MIR2052HG: variants seen among roughly 807,000 people sequenced by gnomAD.
The protein encoded by MIR2052HG is MIR2052 host gene.
rs1349864951 is a variant in MIR2052HG, at chr8:74,608,214, CATAAT to C, written n.129-4638_129-4634del. Among the ~76,000 whole-genome samples, 678 of 152,036 alleles carry C rather than the reference CATAAT, an allele frequency of 4.5e-3. 3 individuals are homozygous for C. The highest frequency in any genetic ancestry group is 0.016 in the African/African-American group (656 of 41,462). On this transcript the variant is annotated intron_variant and non_coding_transcript_variant, in intron 1 of 6. Coordinates refer to ENST00000523442, the Ensembl canonical transcript of MIR2052HG. ...AGTTCTGCTCTAGAGCTTCTAAGCACATAATTAGATGAACTTGCCCTATAGGGAGT... is the reference window on the plus strand; with the variant it reads ...AGTTCTGCTCTAGAGCTTCTAAGCACTAGATGAACTTGCCCTATAGGGAGT...
chr8:74,646,444 C>G (rs1391302529), intron 2 of MIR2052HG, among the ~76,000 whole-genome samples: 1 of 152,112 alleles, frequency 6.6e-6, no homozygotes, highest in Non-Finnish European at 1.5e-5. Flanking sequence ...GAATGATGCT[C>G]AGCTTTATGG....
rs145348639 is a variant in MIR2052HG at position 74,605,844 on chromosome 8, A to G, written n.128+5936A>G. On this transcript the variant is annotated intron_variant and non_coding_transcript_variant, in intron 1 of 6. Coordinates refer to ENST00000523442, the Ensembl canonical transcript of MIR2052HG. ...TTTATTTCTCTTTAAAAGACAATCAACTGTTTAAATAAATTATAGTATCAA... is the reference window on the plus strand; with the variant it reads ...TTTATTTCTCTTTAAAAGACAATCAGCTGTTTAAATAAATTATAGTATCAA... Among the ~76,000 whole-genome samples, 7 of 152,332 alleles carry G rather than the reference A, an allele frequency of 4.6e-5. No homozygotes were observed. The East Asian group carries it at 1.4e-3, about 29-fold the overall frequency.
intron 5 of MIR2052HG, among the ~76,000 whole-genome samples, chr8:74,756,397 AG>A (rs1432640832): frequency 6.6e-6 from 1 of 152,206 alleles, no homozygotes; most frequent in Non-Finnish European, 1.5e-5. Context: ...ATCACTCATT[AG>A]GATAATCACC....
intron 2 of MIR2052HG, among the ~76,000 whole-genome samples, chr8:74,688,411 G>A (rs1012019609): frequency 6.6e-6 from 1 of 152,154 alleles, no homozygotes; most frequent in African/African-American, 2.4e-5. Flanking sequence ...ATCATTTAAT[G>A]TAAAAGATAT....
intron 2 of MIR2052HG, among the ~76,000 whole-genome samples, chr8:74,676,902 C>T (rs1351734727): frequency 6.6e-6 from 1 of 151,886 alleles, no homozygotes; most frequent in East Asian, 1.9e-4. Flanking sequence ...ATCAAAATGT[C>T]ATGTTGTATA....
intron 5 of MIR2052HG, among the ~76,000 whole-genome samples, chr8:74,754,195 G>A (rs114672060): frequency 0.014 from 2,138 of 152,268 alleles, 50 homozygotes; most frequent in African/African-American, 0.046. Flanking sequence ...AACACTAACA[G>A]AGCACTCAGC....
chr8:74,636,319 C>T (rs993188196), intron 2 of MIR2052HG, among the ~76,000 whole-genome samples: 1 of 152,100 alleles, frequency 6.6e-6, no homozygotes, highest in Non-Finnish European at 1.5e-5. Flanking sequence ...CAATAATCCA[C>T]CAATTCTGCA....
chr8:74,643,764 C>T (rs1808664368), intron 2 of MIR2052HG, among the ~76,000 whole-genome samples: 1 of 152,186 alleles, frequency 6.6e-6, no homozygotes, highest in African/African-American at 2.4e-5. Flanking sequence ...TCCTACCCTT[C>T]CCTAATGCTA....
chr8:74,604,422 G>C (rs1402890549), intron 1 of MIR2052HG, among the ~76,000 whole-genome samples: 1 of 131,732 alleles, frequency 7.6e-6, no homozygotes, highest in Non-Finnish European at 1.6e-5. Flanking sequence ...GGTGAGGGGG[G>C]GCCCCGCGGG....
intron 2 of MIR2052HG, among the ~76,000 whole-genome samples, chr8:74,662,261 C>T (rs926446737): frequency 2.0e-5 from 3 of 152,144 alleles, no homozygotes; most frequent in Non-Finnish European, 4.4e-5. Context: ...CCACAGGCAT[C>T]GCTTCACTTT....
chr8:74,636,688 G>A (rs1245059022), intron 2 of MIR2052HG, among the ~76,000 whole-genome samples: 4 of 151,978 alleles, frequency 2.6e-5, no homozygotes, highest in Non-Finnish European at 5.9e-5. Context: ...CGTATACCCT[G>A]AGATAAATTC....
chr8:74,697,888 T>G (rs1809314801), intron 2 of MIR2052HG, among the ~76,000 whole-genome samples: 2 of 152,178 alleles, frequency 1.3e-5, no homozygotes, highest in Admixed American at 1.3e-4. Context: ...CATCCCATGC[T>G]CATGGATGGG....
chr8:74,706,035 A>C (rs1809407167), intron 4 of MIR2052HG, among the ~76,000 whole-genome samples: 1 of 152,146 alleles, frequency 6.6e-6, no homozygotes, highest in Non-Finnish European at 1.5e-5. Context: ...TTAAAGTAAA[A>C]TACAGAATCA....
chr8:74,740,776 G>A (rs1042127839), intron 4 of MIR2052HG, among the ~76,000 whole-genome samples: 2 of 152,126 alleles, frequency 1.3e-5, no homozygotes, highest in African/African-American at 4.8e-5. Context: ...TTATTGCTTT[G>A]AACAAGTAGA....
chr8:74,681,988 G>A (rs953860090), intron 2 of MIR2052HG, among the ~76,000 whole-genome samples: 2 of 152,170 alleles, frequency 1.3e-5, no homozygotes, highest in African/African-American at 4.8e-5. Flanking sequence ...GGTTACCTAT[G>A]TAGGGGGATT....
At chr8:74,673,417 G>A (rs117385219) in intron 2 of MIR2052HG, among the ~76,000 whole-genome samples, 2,692 of 152,066 alleles carry the variant, frequency 0.018, 41 homozygotes, top group Non-Finnish European at 0.025. Context: ...ATCACGATTT[G>A]CTCTACTGAT....
At chr8:74,638,241 C>A (rs1051728314) in intron 2 of MIR2052HG, among the ~76,000 whole-genome samples, 5 of 152,014 alleles carry the variant, frequency 3.3e-5, no homozygotes, top group Non-Finnish European at 7.4e-5. Flanking sequence ...GCCTTCAAAT[C>A]TTCAAATAAT....
At chr8:74,636,878 A>G (rs1168754849) in intron 2 of MIR2052HG, among the ~76,000 whole-genome samples, 1 of 152,158 alleles carries the variant, frequency 6.6e-6, no homozygotes, top group Non-Finnish European at 1.5e-5. Flanking sequence ...GTATATTATG[A>G]TGCAGATTCT....
chr8:74,673,331 T>A (rs1167192116), intron 2 of MIR2052HG, among the ~76,000 whole-genome samples: 1 of 152,036 alleles, frequency 6.6e-6, no homozygotes, highest in Non-Finnish European at 1.5e-5. Context: ...CATGAGCACC[T>A]AGAGGGCCAC....
Sources: allele counts gnomAD v4.1 joint callset (sites outside exome capture counted in the v4.1 genomes callset), GRCh38; gene constraint gnomAD v4.1.1; transcripts MANE v1.5; gene names NCBI Gene and HGNC (gene_info 2026-07-23, HGNC 2026-07-21).